The following MYO10 variants were observed in gnomAD, a reference collection of about 807,000 sequenced individuals.
MYO10 encodes the protein myosin X, also known as unconventional myosin-X.
In MYO10, 133 loss-of-function variants were observed where a neutral mutation model predicts 257.3. The observed-to-expected ratio is 0.52, with a 90% confidence interval of 0.45 to 0.60. MYO10 has a LOEUF of 0.60. Among genes scored for constraint, MYO10 ranks in the 20% least tolerant of loss-of-function variants. MYO10 has a pLI of 0.00. For synonymous variants in MYO10, 1,104 were observed against 1,028.6 expected, an observed-to-expected ratio of 1.07 and a Z score of -1.40; for missense variants, 2,399 against 2,635.7, an observed-to-expected ratio of 0.91 and a Z score of 1.97.
At chr5:16,916,262 G>A (rs934915169) in intron 1 of MYO10, 13 of 392,878 alleles carry the variant, frequency 3.3e-5, no homozygotes, top group African/African-American at 1.5e-4. Context: ...GTGCAGACTC[G>A]TGTTCTAACA....
In MYO10 at chr5:16,769,018, T is replaced by A. The variant is rs1740966807; in HGVS notation, c.1060+56A>T. 25 of 1,537,564 alleles carry A rather than the reference T, an allele frequency of 1.6e-5. No individual in the cohort carries two copies. The South Asian group carries it at 3.2e-4, about 20-fold the overall frequency. On this transcript the variant is annotated intron_variant, in intron 10 of 40. Transcript: ENST00000513610. Reference sequence around the variant, plus strand: ...AGGCTAGACAGTCAATAATTTAGGTTTAAGTTTCCCACGGGGAACAAAGGG... The same window carrying A: ...AGGCTAGACAGTCAATAATTTAGGTATAAGTTTCCCACGGGGAACAAAGGG...
At chr5:16,900,575 G>A (rs1046676258) in intron 1 of MYO10, among the ~76,000 whole-genome samples, 2 of 151,920 alleles carry the variant, frequency 1.3e-5, no homozygotes, top group African/African-American at 2.4e-5. Flanking sequence ...AAAGACGGGG[G>A]ACCGATCCAT....
intron 2 of MYO10, among the ~76,000 whole-genome samples, chr5:16,856,776 C>T (rs540142421): frequency 1.3e-5 from 2 of 152,210 alleles, no homozygotes; most frequent in African/African-American, 4.8e-5. Context: ...TGCAGTCATG[C>T]ATGACCCTGA....
At chr5:16,676,936 A>G (rs1736752980) in intron 33 of MYO10, among the ~76,000 whole-genome samples, 1 of 152,200 alleles carries the variant, frequency 6.6e-6, no homozygotes, top group Admixed American at 6.5e-5. Context: ...TCTATAGTTC[A>G]TTTCATAAAC....
intron 1 of MYO10, among the ~76,000 whole-genome samples, chr5:16,901,790 G>A (rs1387226049): frequency 4.6e-5 from 7 of 152,244 alleles, no homozygotes; most frequent in Non-Finnish European, 5.9e-5. Context: ...GCGGCCTGTC[G>A]TTTTCTAGAT....
intron 1 of MYO10, among the ~76,000 whole-genome samples, chr5:16,891,320 A>AGG (rs1317043978): frequency 6.0e-4 from 53 of 88,106 alleles, no homozygotes; most frequent in Admixed American, 2.5e-3. Context: ...GGAGAAGAGA[A>AGG]AAGGAAGGAA....
intron 1 of MYO10, among the ~76,000 whole-genome samples, chr5:16,907,872 T>C (rs946426462): frequency 6.6e-6 from 1 of 152,260 alleles, no homozygotes; most frequent in Non-Finnish European, 1.5e-5. Flanking sequence ...CTGGAAAATG[T>C]AATATAAAAA....
chr5:16,900,744 G>GTTGTTTTTTTTT (rs1554007452), intron 1 of MYO10, among the ~76,000 whole-genome samples: 8 of 132,740 alleles, frequency 6.0e-5, no homozygotes, highest in African/African-American at 8.6e-5. Context: ...CCTAAATCTT[G>GTTGTTTTTTTTT]TTTTTTTTTT....
intron 1 of MYO10, among the ~76,000 whole-genome samples, chr5:16,897,106 T>TA (rs1257431135): frequency 3.9e-5 from 6 of 152,294 alleles, no homozygotes; most frequent in African/African-American, 1.4e-4. Context: ...AAAATGCTGG[T>TA]ATATACACCT....
chr5:16,685,841 A>C lies in MYO10; in HGVS notation c.3897-10T>G, dbSNP rs1737230009. The C allele has an allele frequency of 5.7e-6, 9 of 1,581,520 alleles. No individual in the cohort carries two copies. The highest frequency in any genetic ancestry group is 6.9e-6 in the Non-Finnish European group (8 of 1,163,564). On this transcript the variant is annotated splice_polypyrimidine_tract_variant and intron_variant, in intron 28 of 40. Coordinates refer to ENST00000513610, the MANE Select transcript of MYO10 (RefSeq NM_012334.3). ...CACGCTGAACCACTGGCTGTGGGGA[A>C]GAGAGAGCAACTGTCAAGGAGAGGC...
chr5:16,673,396 G>A (rs1363777109), intron 36 of MYO10, among the ~76,000 whole-genome samples: 1 of 152,150 alleles, frequency 6.6e-6, no homozygotes, highest in East Asian at 1.9e-4. Flanking sequence ...CAAAGTGGCT[G>A]GACCTGAGCC....
At chr5:16,718,165 C>T (rs963285003) in intron 19 of MYO10, among the ~76,000 whole-genome samples, 1 of 152,240 alleles carries the variant, frequency 6.6e-6, no homozygotes, top group Non-Finnish European at 1.5e-5. Flanking sequence ...CTCTGTTTCT[C>T]GCTGGGCCTT....
intron 1 of MYO10, among the ~76,000 whole-genome samples, chr5:16,900,069 A>T (rs868230465): frequency 2.0e-5 from 3 of 151,356 alleles, no homozygotes; most frequent in Admixed American, 6.6e-5. Context: ...TTGCCCTGTG[A>T]TATCTTTCAT....
chr5:16,851,823 C>G (rs772998759), intron 2 of MYO10, among the ~76,000 whole-genome samples: 1 of 151,932 alleles, frequency 6.6e-6, no homozygotes, highest in Non-Finnish European at 1.5e-5. Context: ...GAGGCCAAGG[C>G]GGGCAGATCA....
intron 28 of MYO10, 114 bp downstream of exon 28, chr5:16,689,710 A>G (rs1431752482): frequency 2.5e-6 from 2 of 788,694 alleles, no homozygotes; most frequent in Non-Finnish European, 4.2e-6. Flanking sequence ...TCTTCAAAAA[A>G]AGTCAATTAA....
intron 1 of MYO10, chr5:16,902,727 C>T: frequency 1.3e-6 from 1 of 761,074 alleles, no homozygotes; most frequent in Non-Finnish European, 2.3e-6. Context: ...GTCTCAAACT[C>T]CTGACCTCAG....
At chr5:16,748,717 T>C (rs940360755) in intron 19 of MYO10, among the ~76,000 whole-genome samples, 5 of 152,168 alleles carry the variant, frequency 3.3e-5, no homozygotes, top group African/African-American at 1.2e-4. Context: ...ATTAAATTCA[T>C]TCATCAAATT....
chr5:16,697,487 G>A (rs184971370), intron 26 of MYO10, among the ~76,000 whole-genome samples: 2,886 of 152,228 alleles, frequency 0.019, 50 homozygotes, highest in Middle Eastern at 0.041. Flanking sequence ...AGATCACAAG[G>A]TTAGGAGTTC....
chr5:16,852,235 TAAA>T (rs59699107), intron 2 of MYO10, among the ~76,000 whole-genome samples: 47,514 of 132,772 alleles, frequency 0.36, 8,335 homozygotes, highest in African/African-American at 0.48. Flanking sequence ...GAGTACAGGC[TAAA>T]AAAAAAAAAA....
Sources: gnomAD v4.1 joint callset for allele counts (sites outside exome capture counted in the v4.1 genomes callset) on GRCh38, gnomAD v4.1.1 for gene constraint, MANE v1.5 for transcripts, NCBI Gene and HGNC (gene_info 2026-07-23, HGNC 2026-07-21) for gene names.